The following ADGRL3 variants were observed in gnomAD, a reference collection of about 807,000 sequenced individuals.
ADGRL3 encodes the protein calcium-independent alpha-latrotoxin receptor 3.
In ADGRL3, 62 loss-of-function variants were observed where a neutral mutation model predicts 153.5. The ratio of observed to expected loss-of-function variants is 0.40; its 90% CI spans 0.33 to 0.50. The LOEUF (loss-of-function observed/expected upper bound fraction) is 0.50, where lower values mean the gene tolerates loss of function less well. ADGRL3 is among the 20% of genes least tolerant of loss of function. The pLI is 0.47. For missense variants in ADGRL3, 1,641 were observed against 1,859.4 expected (o/e 0.88, Z 2.16); for synonymous variants, 710 against 672.5 (o/e 1.06, Z -0.86).
intron 2 of ADGRL3, among the ~76,000 whole-genome samples, chr4:61,403,004 C>G (rs2096949103): frequency 6.6e-6 from 1 of 151,354 alleles, no homozygotes. Context: ...GGCCCTCATC[C>G]TGGCTTGTAC....
chr4:61,502,266 T>C (rs967192480), intron 3 of ADGRL3, among the ~76,000 whole-genome samples: 8 of 152,196 alleles, frequency 5.3e-5, no homozygotes, highest in African/African-American at 1.9e-4. Flanking sequence ...CCCCAGATGA[T>C]TGGGAGTTCA....
chr4:61,449,426 C>G (rs1263789960), intron 2 of ADGRL3, among the ~76,000 whole-genome samples: 1 of 152,002 alleles, frequency 6.6e-6, no homozygotes, highest in Non-Finnish European at 1.5e-5. Flanking sequence ...TGAGCCACCA[C>G]GCCCGGCCTA....
chr4:61,256,851 A>G (rs144245293), intron 1 of ADGRL3, among the ~76,000 whole-genome samples: 263 of 152,288 alleles, frequency 1.7e-3, no homozygotes, highest in African/African-American at 6.0e-3. Flanking sequence ...GTGGAAAAAG[A>G]ATCTGTGCCT....
At chr4:61,405,836 C>A (rs996877945) in intron 2 of ADGRL3, among the ~76,000 whole-genome samples, 3 of 151,896 alleles carry the variant, frequency 2.0e-5, no homozygotes, top group Non-Finnish European at 4.4e-5. Context: ...CAGCCACAAT[C>A]AGAAAAAGAA....
intron 5 of ADGRL3, among the ~76,000 whole-genome samples, chr4:61,659,896 A>AC (rs1229125974): frequency 3.5e-4 from 30 of 86,666 alleles, no homozygotes; most frequent in Admixed American, 2.6e-3. Flanking sequence ...AGTGAAGATT[A>AC]CAAAAAAAAA....
chr4:61,319,862 C>T (rs2150729031), intron 1 of ADGRL3, among the ~76,000 whole-genome samples: 1 of 152,210 alleles, frequency 6.6e-6, no homozygotes. Context: ...TGTGCATGAG[C>T]TTTGAAAAAT....
intron 9 of ADGRL3, among the ~76,000 whole-genome samples, chr4:61,849,559 T>C (rs890934491): frequency 6.6e-6 from 1 of 152,092 alleles, no homozygotes; most frequent in Admixed American, 6.5e-5. Context: ...GTATCTTGAC[T>C]CTTTCTATGT....
At chr4:62,048,083 C>A (rs1042936861) in intron 25 of ADGRL3, among the ~76,000 whole-genome samples, 1 of 152,054 alleles carries the variant, frequency 6.6e-6, no homozygotes, top group African/African-American at 2.4e-5. Context: ...AATCCTCAGT[C>A]TCCTCCCAGG....
chr4:61,971,109 T>G (rs1437258187), intron 17 of ADGRL3, among the ~76,000 whole-genome samples: 1 of 152,044 alleles, frequency 6.6e-6, no homozygotes, highest in Admixed American at 6.6e-5. Context: ...ATACAATATG[T>G]TGAAGAGGCA....
At chr4:61,457,374 T>C (rs1279243384) in intron 2 of ADGRL3, among the ~76,000 whole-genome samples, 1 of 151,960 alleles carries the variant, frequency 6.6e-6, no homozygotes, top group East Asian at 1.9e-4. Context: ...TTAAATCACT[T>C]ACCTTTTCAT....
intron 1 of ADGRL3, among the ~76,000 whole-genome samples, chr4:61,336,729 A>G (rs1319640789): frequency 6.6e-6 from 1 of 151,742 alleles, no homozygotes; most frequent in Non-Finnish European, 1.5e-5. Context: ...GGGTACATTC[A>G]CTGTACCCAT....
chr4:62,010,525 T>C (rs1260166624), intron 21 of ADGRL3, among the ~76,000 whole-genome samples: 4 of 152,144 alleles, frequency 2.6e-5, no homozygotes, highest in African/African-American at 9.7e-5. Flanking sequence ...TCACCCTACA[T>C]TATGTCTGGA....
intron 1 of ADGRL3, among the ~76,000 whole-genome samples, chr4:61,362,211 C>T (rs2096294666): frequency 6.6e-6 from 1 of 151,138 alleles, no homozygotes; most frequent in Non-Finnish European, 1.5e-5. Flanking sequence ...CTATGTTGAC[C>T]AGGCTGATCT....
chr4:61,317,403 G>A (rs185871436), intron 1 of ADGRL3, among the ~76,000 whole-genome samples: 38 of 152,182 alleles, frequency 2.5e-4, no homozygotes, highest in Middle Eastern at 3.4e-3. Flanking sequence ...AGATCAATAG[G>A]ATCTTTACAA....
At chr4:61,416,946 G>A (rs1447907834) in intron 2 of ADGRL3, among the ~76,000 whole-genome samples, 2 of 152,084 alleles carry the variant, frequency 1.3e-5, no homozygotes, top group East Asian at 1.9e-4. Context: ...CCATCTGGAG[G>A]TGATGGGAGA....
At chr4:61,499,898 A>T (rs1362270413) in intron 3 of ADGRL3, among the ~76,000 whole-genome samples, 1 of 152,006 alleles carries the variant, frequency 6.6e-6, no homozygotes, top group Non-Finnish European at 1.5e-5. Context: ...CATACTATGT[A>T]TTTCAGTGGA....
At chr4:61,217,176 G>A (rs72633413) in intron 1 of ADGRL3, among the ~76,000 whole-genome samples, 2 of 152,196 alleles carry the variant, frequency 1.3e-5, no homozygotes, top group East Asian at 1.9e-4. Context: ...GAGGAATTAA[G>A]CAATGTATCC....
At chr4:61,618,649 A>G (rs1304527070) in intron 5 of ADGRL3, among the ~76,000 whole-genome samples, 2 of 152,166 alleles carry the variant, frequency 1.3e-5, no homozygotes, top group Admixed American at 1.3e-4. Flanking sequence ...CGAGGTTCCA[A>G]TGAGCAGCAA....
intron 2 of ADGRL3, among the ~76,000 whole-genome samples, chr4:61,409,571 AAAAG>A (rs2152248278): frequency 6.6e-6 from 1 of 151,440 alleles, no homozygotes; most frequent in East Asian, 1.9e-4. Flanking sequence ...TGAATCATAC[AAAAG>A]AAAGGCATTC....
Sources: allele counts gnomAD v4.1 joint callset (sites outside exome capture counted in the v4.1 genomes callset), GRCh38; gene constraint gnomAD v4.1.1; transcripts MANE v1.5; gene names NCBI Gene and HGNC (gene_info 2026-07-23, HGNC 2026-07-21).